KDM2A: variants seen among roughly 807,000 people sequenced by gnomAD.
KDM2A encodes lysine demethylase 2A, also known as lysine-specific demethylase 2A.
Under a neutral mutation model 137.3 loss-of-function variants are expected in KDM2A, and 3 were observed. The ratio of observed to expected loss-of-function variants is 0.02; its 90% CI spans 0.01 to 0.06. The LOEUF is 0.06. KDM2A is among the 10% of genes least tolerant of loss of function. The pLI is 1.00. For missense variants in KDM2A, 738 were observed against 1,510.6 expected (o/e 0.49, Z 8.48); for synonymous variants, 512 against 541.5 (o/e 0.95, Z 0.76).
At chr11:67,170,408 C>CTTTTTT (rs923665021) in intron 2 of KDM2A, among the ~76,000 whole-genome samples, 177 of 92,780 alleles carry the variant, frequency 1.9e-3, no homozygotes, top group Middle Eastern at 0.017. Flanking sequence ...TTCTTTCTTT[C>CTTTTTT]TTTTTTTTTT....
intron 6 of KDM2A, among the ~76,000 whole-genome samples, chr11:67,212,815 C>A (rs1207467762): frequency 6.6e-6 from 1 of 151,998 alleles, no homozygotes; most frequent in Non-Finnish European, 1.5e-5. Flanking sequence ...TGTTCTGAAC[C>A]GTTCCTCTCC....
chr11:67,127,603 A>G (rs1156387920), intron 2 of KDM2A, among the ~76,000 whole-genome samples: 1 of 152,192 alleles, frequency 6.6e-6, no homozygotes. Flanking sequence ...AACTGCGGCC[A>G]CTGAAACTCT....
At chr11:67,150,187 C>T (rs571214879) in intron 2 of KDM2A, among the ~76,000 whole-genome samples, 106 of 152,228 alleles carry the variant, frequency 7.0e-4, no homozygotes, top group African/African-American at 2.4e-3. Context: ...CTGTTTAGCC[C>T]GGAAATATGC....
intron 2 of KDM2A, among the ~76,000 whole-genome samples, chr11:67,163,174 T>C (rs893640179): frequency 1.3e-5 from 2 of 152,182 alleles, no homozygotes; most frequent in African/African-American, 4.8e-5. Flanking sequence ...CGCTACACTT[T>C]CGTATTTATG....
chr11:67,245,009 A>C lies in KDM2A; in HGVS notation c.1564-180A>C. ...TCAAAAAAAAAAAAAAAAAGCAGCC[A>C]TTGATAATACATACACAAGATGAGT... On this transcript the variant is annotated intron_variant, in intron 13 of 20. Coordinates refer to ENST00000529006, the MANE Select transcript of KDM2A (RefSeq NM_012308.3). The surrounding 1 kb of genome is among the most constrained non-coding windows in gnomAD (Gnocchi z 4.1). 3 of 613,676 alleles carry C rather than the reference A, an allele frequency of 4.9e-6. No homozygotes were observed. Among genetic ancestry groups the C allele is most frequent in the East Asian group, 2.8e-5 (1 of 35,478 alleles). 38.0% of individuals were successfully genotyped at this position (613,676 alleles called of 1,614,324 possible).
chr11:67,189,472 C>G (rs1030566876), intron 5 of KDM2A, among the ~76,000 whole-genome samples: 1 of 152,172 alleles, frequency 6.6e-6, no homozygotes, highest in Non-Finnish European at 1.5e-5. Context: ...GCCTATAGTT[C>G]CAGCTACTTG....
chr11:67,147,924 G>A (rs1463081693), intron 2 of KDM2A, among the ~76,000 whole-genome samples: 1 of 151,952 alleles, frequency 6.6e-6, no homozygotes, highest in Non-Finnish European at 1.5e-5. Flanking sequence ...TGATTCACCT[G>A]CCTCGACTTC....
chr11:67,157,599 G>A (rs1000716867), intron 2 of KDM2A, among the ~76,000 whole-genome samples: 11 of 151,660 alleles, frequency 7.3e-5, no homozygotes, highest in African/African-American at 9.7e-5. Flanking sequence ...ACAAAAATTA[G>A]CCAGACACAG....
chr11:67,166,581 C>G (rs927678900), intron 2 of KDM2A, among the ~76,000 whole-genome samples: 3 of 152,002 alleles, frequency 2.0e-5, no homozygotes, highest in Non-Finnish European at 4.4e-5. Flanking sequence ...ACTTCTTGCC[C>G]GGCATGGTGG....
intron 2 of KDM2A, among the ~76,000 whole-genome samples, chr11:67,161,344 G>A (rs896539787): frequency 6.6e-6 from 1 of 152,144 alleles, no homozygotes; most frequent in Non-Finnish European, 1.5e-5. Flanking sequence ...TCTTCACTTT[G>A]GAGAGTATCT....
At chr11:67,207,209 A>G (rs896995933) in intron 5 of KDM2A, among the ~76,000 whole-genome samples, 2 of 152,162 alleles carry the variant, frequency 1.3e-5, no homozygotes, top group African/African-American at 4.8e-5. Context: ...TTTCTCATGT[A>G]TGAAGTGGAG....
At chr11:67,146,340 A>T (rs572666629) in intron 2 of KDM2A, among the ~76,000 whole-genome samples, 1 of 152,020 alleles carries the variant, frequency 6.6e-6, no homozygotes, top group African/African-American at 2.4e-5. Flanking sequence ...GAAATAATAC[A>T]CCGATTGTCT....
At chr11:67,151,542 G>C (rs1856390607) in intron 2 of KDM2A, among the ~76,000 whole-genome samples, 1 of 151,820 alleles carries the variant, frequency 6.6e-6, no homozygotes, top group African/African-American at 2.4e-5. Flanking sequence ...TAGAGACCGG[G>C]GTTTCACCAT....
intron 10 of KDM2A, among the ~76,000 whole-genome samples, chr11:67,227,830 C>T (rs1292526666): frequency 6.6e-6 from 1 of 152,126 alleles, no homozygotes; most frequent in Non-Finnish European, 1.5e-5. Context: ...CTGGGCCTCC[C>T]AAGTACCCTT....
intron 2 of KDM2A, among the ~76,000 whole-genome samples, chr11:67,166,927 A>G (rs1050885085): frequency 4.6e-5 from 7 of 151,400 alleles, no homozygotes; most frequent in African/African-American, 1.7e-4. Context: ...AAATACAACA[A>G]ATTAGCCAGG....
chr11:67,231,423 G>A (rs1171550380), intron 11 of KDM2A, 143 bp from the exon 12 acceptor site: 3 of 755,936 alleles, frequency 4.0e-6, no homozygotes, highest in Admixed American at 6.1e-5. Flanking sequence ...GGACAAATGG[G>A]TTGGAATAAA....
chr11:67,174,902 C>T (rs1040928639), intron 2 of KDM2A, among the ~76,000 whole-genome samples: 2 of 152,154 alleles, frequency 1.3e-5, no homozygotes, highest in Non-Finnish European at 2.9e-5. Context: ...ATACTTGTTA[C>T]TTACTGTGAC....
chr11:67,251,707 A>G (rs1311880069), intron 17 of KDM2A, among the ~76,000 whole-genome samples: 1 of 152,242 alleles, frequency 6.6e-6, no homozygotes, highest in Non-Finnish European at 1.5e-5. Flanking sequence ...GCTCGAGTTT[A>G]GAGCAGCAAA....
intron 8 of KDM2A, among the ~76,000 whole-genome samples, chr11:67,216,980 C>A (rs1858182672): frequency 1.3e-5 from 2 of 151,876 alleles, no homozygotes. Flanking sequence ...CACAGTGGCT[C>A]ACGCCTGTAA....
Sources: allele counts gnomAD v4.1 joint callset (sites outside exome capture counted in the v4.1 genomes callset), GRCh38; gene constraint gnomAD v4.1.1; non-coding constraint Gnocchi (gnomAD v3.1); transcripts MANE v1.5; gene names NCBI Gene and HGNC (gene_info 2026-07-23, HGNC 2026-07-21).